AMPH: variants seen among roughly 807,000 people sequenced by gnomAD.
AMPH encodes amphiphysin (Stiff-Mann syndrome with breast cancer 128kD autoantigen).
A neutral mutation model predicts 99.1 loss-of-function variants in AMPH; 49 were observed. The observed-to-expected ratio is 0.49, with a 90% CI of 0.39 to 0.63. The LOEUF (loss-of-function observed/expected upper bound fraction) is 0.63, where lower values mean the gene tolerates loss of function less well. AMPH is among the 20% of genes least tolerant of loss of function. The pLI is 0.00. For synonymous variants in AMPH, 314 were observed against 317.3 expected (o/e 0.99, Z 0.11); for missense variants, 759 against 863.4 (o/e 0.88, Z 1.52).
At chr7:38,605,285 G>A (rs1320181056) in intron 1 of AMPH, among the ~76,000 whole-genome samples, 1 of 152,040 alleles carries the variant, frequency 6.6e-6, no homozygotes, top group Non-Finnish European at 1.5e-5. Flanking sequence ...GGAAGAAAGG[G>A]GTTTTTAGGG....
chr7:38,398,317 A>G (rs540746319), intron 17 of AMPH, among the ~76,000 whole-genome samples: 49 of 152,350 alleles, frequency 3.2e-4, no homozygotes, highest in Middle Eastern at 3.4e-3. Flanking sequence ...ATGAATGGAT[A>G]AAGAAAATGT....
chr7:38,473,785 G>A lies in AMPH; in HGVS notation c.590+1546C>T, dbSNP rs533242047. 3.2e-5 allele frequency among the ~76,000 whole-genome samples: 4 copies of A among 124,978 alleles called. No individual in the cohort carries two copies. In the South Asian group the frequency reaches 1.1e-3, roughly 33 times the overall value. The allele number at this position is 124,978 out of a possible 152,430, so 82.0% of individuals were successfully genotyped here. ...ATGTAAGAGCAAAAAAGTAATATCT[G>A]TATTTTTTAAAAAAAAGCCATAGCA... On this transcript the variant is annotated intron_variant, in intron 7 of 20. Coordinates refer to ENST00000356264, the MANE Select transcript of AMPH (RefSeq NM_001635.4).
intron 15 of AMPH, 125 bp downstream of exon 15, chr7:38,426,829 G>A: frequency 1.1e-5 from 8 of 757,228 alleles, no homozygotes; most frequent in Non-Finnish European, 1.8e-5. Flanking sequence ...TAAGTAGTGG[G>A]GTCCAATTTT....
intron 20 of AMPH, 77 bp from the exon 21 acceptor site, chr7:38,385,002 T>A: frequency 3.1e-6 from 4 of 1,294,898 alleles, no homozygotes; most frequent in Non-Finnish European, 4.5e-6. Context: ...ATTAATAATG[T>A]GTTACATTAG....
intron 7 of AMPH, among the ~76,000 whole-genome samples, chr7:38,474,818 T>A (rs79143870): frequency 0.017 from 2,562 of 152,194 alleles, 75 homozygotes; most frequent in African/African-American, 0.058. Flanking sequence ...AGTAAGAATA[T>A]CTGGTGCTTA....
At chr7:38,460,000 C>A (rs1481407834) in intron 11 of AMPH, among the ~76,000 whole-genome samples, 2 of 151,592 alleles carry the variant, frequency 1.3e-5, no homozygotes, top group Admixed American at 6.6e-5. Context: ...ATTAAAAAAA[C>A]AAATAATCCC....
chr7:38,625,700 G>A (rs1399505967), intron 1 of AMPH, among the ~76,000 whole-genome samples: 1 of 152,136 alleles, frequency 6.6e-6, no homozygotes, highest in South Asian at 2.1e-4. Flanking sequence ...TTACCAATAA[G>A]TACATGTAAA....
chr7:38,445,004 T>TAC lies in AMPH; in HGVS notation c.1018-8617_1018-8616insGT, dbSNP rs1477700148. On this transcript the variant is annotated intron_variant, in intron 11 of 20. Coordinates refer to ENST00000356264, the MANE Select transcript of AMPH (RefSeq NM_001635.4). ...CCATATATATACATATATATATATATATATATACACACACACACACGGTAT... is the reference window on the plus strand; with the variant it reads ...CCATATATATACATATATATATATATACATATATACACACACACACACGGTAT... 1.8e-4 allele frequency among the ~76,000 whole-genome samples: 23 copies of TAC among 124,990 alleles called. 1 individual carries two copies. In the East Asian group the frequency reaches 2.0e-3, roughly 11 times the overall value. The allele number at this position is 124,990 out of a possible 152,430, so 82.0% of individuals were successfully genotyped here.
At chr7:38,539,592 C>T (rs1790737761) in intron 1 of AMPH, among the ~76,000 whole-genome samples, 3 of 152,092 alleles carry the variant, frequency 2.0e-5, no homozygotes, top group African/African-American at 7.2e-5. Context: ...TTTGTAAAGG[C>T]CAAATTGGAA....
Position 38,416,753 on chromosome 7 carries a change from G to T in AMPH, c.1398+1072C>A, listed in dbSNP as rs140913304. On this transcript the variant is annotated intron_variant, in intron 17 of 20. Coordinates refer to ENST00000356264, the MANE Select transcript of AMPH (RefSeq NM_001635.4). ...CTTGCTGAAATCTCCAGTGAATCTG[G>T]GAGTGGCCCTGGACACAGCACTCCC... Among the ~76,000 whole-genome samples, 925 of 152,258 alleles carry T rather than the reference G, an allele frequency of 6.1e-3. 14 individuals carry two copies. Among genetic ancestry groups the T allele is most frequent in the African/African-American group, 0.022 (894 of 41,548 alleles).
At chr7:38,541,510 C>T (rs1283868881) in intron 1 of AMPH, among the ~76,000 whole-genome samples, 1 of 152,196 alleles carries the variant, frequency 6.6e-6, no homozygotes, top group Non-Finnish European at 1.5e-5. Flanking sequence ...CCTCCAGCTT[C>T]CCCTCTGGGG....
chr7:38,494,661 T>A, intron 3 of AMPH, 134 bp from the exon 4 acceptor site: 2 of 704,846 alleles, frequency 2.8e-6, no homozygotes, highest in Non-Finnish European at 4.9e-6. Flanking sequence ...AAGGCACAAC[T>A]GCTGCTTGTA....
intron 16 of AMPH, among the ~76,000 whole-genome samples, chr7:38,421,731 C>T (rs1433092210): frequency 6.6e-6 from 1 of 152,222 alleles, no homozygotes; most frequent in Admixed American, 6.5e-5. Flanking sequence ...CCCTCATGAA[C>T]TAGTCCTCAA....
intron 1 of AMPH, among the ~76,000 whole-genome samples, chr7:38,630,731 C>T (rs547789741): frequency 5.0e-4 from 76 of 152,284 alleles, no homozygotes; most frequent in South Asian, 1.5e-3. Context: ...ACGATCCTAC[C>T]CTATTGGTCC....
intron 12 of AMPH, among the ~76,000 whole-genome samples, chr7:38,432,692 C>T (rs1297932155): frequency 6.6e-6 from 1 of 151,636 alleles, no homozygotes; most frequent in Non-Finnish European, 1.5e-5. Context: ...AAATGCAGGC[C>T]CTAATCACTG....
At chr7:38,451,423 ATTGCTTTATT>A (rs1356400414) in intron 11 of AMPH, among the ~76,000 whole-genome samples, 2 of 149,378 alleles carry the variant, frequency 1.3e-5, no homozygotes, top group African/African-American at 4.9e-5. Context: ...CACATACATG[ATTGCTTTATT>A]TTTTGTCTTG....
intron 2 of AMPH, among the ~76,000 whole-genome samples, chr7:38,529,876 T>C (rs1790328253): frequency 6.6e-6 from 1 of 152,224 alleles, no homozygotes; most frequent in South Asian, 2.1e-4. Context: ...GTAAGTATAA[T>C]TTATCGTAAA....
chr7:38,607,308 C>T (rs1377007905), intron 1 of AMPH, among the ~76,000 whole-genome samples: 1 of 152,186 alleles, frequency 6.6e-6, no homozygotes, highest in African/African-American at 2.4e-5. Context: ...AACTAACCAG[C>T]ACTTCAAATC....
intron 18 of AMPH, 29 bp from the exon 19 acceptor site, chr7:38,392,046 C>A: frequency 6.3e-7 from 1 of 1,597,182 alleles, no homozygotes; most frequent in South Asian, 1.1e-5. Context: ...TGGCGATGCC[C>A]GGCAGGGCCT....
Sources: allele counts gnomAD v4.1 joint callset (sites outside exome capture counted in the v4.1 genomes callset), GRCh38; gene constraint gnomAD v4.1.1; transcripts MANE v1.5; gene names NCBI Gene and HGNC (gene_info 2026-07-23, HGNC 2026-07-21).